KLRC1: variants seen among roughly 807,000 people sequenced by gnomAD.
KLRC1 encodes the protein NKG2-A/NKG2-B type II integral membrane protein.
KLRC1 carries 22 observed loss-of-function variants against 25.9 expected under a neutral mutation model. The observed-to-expected ratio is 0.85, with a 90% CI of 0.61 to 1.21. KLRC1 has a LOEUF of 1.21. Ranked by LOEUF, KLRC1 falls within the 50% of genes most tolerant of loss-of-function variation. The pLI, the probability that KLRC1 is intolerant of heterozygous loss-of-function variation, is 0.00. For synonymous variants in KLRC1, 77 were observed against 93.1 expected, an observed-to-expected ratio of 0.83 and a Z score of 0.99; for missense variants, 240 against 272.2, an observed-to-expected ratio of 0.88 and a Z score of 0.83.
chr12:10,449,860 A>T, intron 4 of KLRC1, 54 bp downstream of exon 4: 1 of 1,343,096 alleles, frequency 7.4e-7, no homozygotes. Context: ...GTACAGCCTA[A>T]GATCAAGAAA....
At chr12:10,453,821 A>C (rs1405420825), upstream of KLRC1, among the ~76,000 whole-genome samples, 1 of 152,160 alleles carries the variant, frequency 6.6e-6, no homozygotes, top group South Asian at 2.1e-4. Context: ...CACAAAAAGC[A>C]TCATTGCCAA....
chr12:10,452,619 A>G (rs1864148578), intron 1 of KLRC1, among the ~76,000 whole-genome samples: 1 of 152,190 alleles, frequency 6.6e-6, no homozygotes. Context: ...TGTCAGTTAA[A>G]GCATGGAAAA....
chr12:10,442,791 G>C (rs371150521), downstream of KLRC1, among the ~76,000 whole-genome samples: 232 of 11,798 alleles, frequency 0.02, 16 homozygotes, highest in African/African-American at 0.073. Flanking sequence ...ATAAACAATG[G>C]AGCAATATTC....
chr12:10,446,877 G>A (rs1450254018), intron 6 of KLRC1, among the ~76,000 whole-genome samples: 1 of 152,084 alleles, frequency 6.6e-6, no homozygotes, highest in Non-Finnish European at 1.5e-5. Context: ...TGCCTGAAAC[G>A]GCAGATAGTG....
At chr12:10,452,794 T>G (rs1427477779) in intron 1 of KLRC1, among the ~76,000 whole-genome samples, 1 of 152,214 alleles carries the variant, frequency 6.6e-6, no homozygotes, top group Non-Finnish European at 1.5e-5. Flanking sequence ...TTCTCTAATC[T>G]ACGTGTCTGA....
downstream of KLRC1, among the ~76,000 whole-genome samples, chr12:10,445,833 T>C (rs1410407121): frequency 1.3e-5 from 2 of 152,022 alleles, no homozygotes; most frequent in African/African-American, 4.8e-5. Flanking sequence ...TACAAAAGCA[T>C]AAATGTAAAA....
downstream of KLRC1, among the ~76,000 whole-genome samples, chr12:10,445,534 T>A (rs572665318): frequency 1.2e-3 from 188 of 152,290 alleles, no homozygotes; most frequent in Non-Finnish European, 2.1e-3. Context: ...CACAGAACTT[T>A]GATTGTACCT....
intron 1 of KLRC1, among the ~76,000 whole-genome samples, chr12:10,452,663 C>G (rs1458299197): frequency 2.0e-5 from 3 of 152,104 alleles, no homozygotes; most frequent in Non-Finnish European, 4.4e-5. Flanking sequence ...TGTCCATGCG[C>G]TACATCTTTT....
In KLRC1 at chr12:10,451,172, T is replaced by C. The variant is rs1348830119; in HGVS notation, c.-16A>G. 4 of 1,603,718 alleles carry C rather than the reference T, an allele frequency of 2.5e-6. No homozygotes were observed. The highest frequency in any genetic ancestry group is 3.4e-6 in the Non-Finnish European group (4 of 1,174,690). Reference sequence around the variant, plus strand: ...GGTTATCCATCTCTGCAGTGTGTGATGTCAGGGACTGTACTCTATAATAAC... The same window carrying C: ...GGTTATCCATCTCTGCAGTGTGTGACGTCAGGGACTGTACTCTATAATAAC... On this transcript the variant is annotated 5_prime_UTR_variant, in exon 2 of 7. Transcript: ENST00000359151.
intron 5 of KLRC1, among the ~76,000 whole-genome samples, chr12:10,448,234 G>A (rs964737287): frequency 6.6e-5 from 10 of 152,162 alleles, no homozygotes; most frequent in Non-Finnish European, 1.2e-4. Context: ...AGATGAAATT[G>A]TCTGGGACCC....
chr12:10,454,315 C>T (rs1864174325), upstream of KLRC1: 1 of 152,160 alleles, frequency 6.6e-6, no homozygotes, highest in Admixed American at 6.5e-5. Context: ...AGATTTGCAT[C>T]CAAGTGGCAG....
chr12:10,452,458 C>T (rs1416618422), intron 1 of KLRC1, among the ~76,000 whole-genome samples: 1 of 151,886 alleles, frequency 6.6e-6, no homozygotes, highest in South Asian at 2.1e-4. Flanking sequence ...TTTTAATAAC[C>T]CAGTTTGTTA....
At chr12:10,447,481 A>G in intron 6 of KLRC1, 51 bp downstream of exon 6, 1 of 1,379,320 alleles carries the variant, frequency 7.2e-7, no homozygotes, top group Non-Finnish European at 1.0e-6. Flanking sequence ...ATTCTTCTGA[A>G]TTTATCCTTT....
At chr12:10,453,462 A>T (rs1251995574), upstream of KLRC1, 1 of 527,018 alleles carries the variant, frequency 1.9e-6, no homozygotes, top group Non-Finnish European at 2.4e-6. Flanking sequence ...GTTTTATCTC[A>T]TCACACACCT....
chr12:10,451,334 A>G, intron 1 of KLRC1, 147 bp from the exon 2 acceptor site: 1 of 470,474 alleles, frequency 2.1e-6, no homozygotes, highest in Non-Finnish European at 3.5e-6. Context: ...TTCAAGCCTA[A>G]ACACGTTTCT....
chr12:10,454,382 T>TG (rs1228844862), upstream of KLRC1: 1 of 152,498 alleles, frequency 6.6e-6, no homozygotes, highest in African/African-American at 2.4e-5. Context: ...CTCCTGTGCT[T>TG]GCCTTCAGCC....
upstream of KLRC1, chr12:10,454,559 G>A (rs187850383): frequency 3.1e-4 from 303 of 974,138 alleles, 1 homozygote; most frequent in African/African-American, 5.0e-3. Flanking sequence ...CTTGAGATCA[G>A]TCCTTCACCC....
downstream of KLRC1, among the ~76,000 whole-genome samples, chr12:10,444,085 T>C (rs562628951): frequency 1.0e-4 from 14 of 137,568 alleles, no homozygotes; most frequent in South Asian, 3.0e-3. Flanking sequence ...ATATGAATTA[T>C]AAGGAAAATA....
At chr12:10,448,980 T>C (rs946074661) in intron 5 of KLRC1, among the ~76,000 whole-genome samples, 4 of 152,184 alleles carry the variant, frequency 2.6e-5, no homozygotes, top group African/African-American at 7.2e-5. Context: ...CCGATAAAAT[T>C]AGATAGCAAA....
Sources: gnomAD v4.1 joint callset for allele counts (sites outside exome capture counted in the v4.1 genomes callset) on GRCh38, gnomAD v4.1.1 for gene constraint, MANE v1.5 for transcripts, NCBI Gene and HGNC (gene_info 2026-07-23, HGNC 2026-07-21) for gene names.